FER: variants seen among roughly 807,000 people sequenced by gnomAD.
The protein encoded by FER is FER tyrosine kinase.
FER carries 63 observed loss-of-function variants against 111.0 expected under a neutral mutation model. The observed-to-expected ratio is 0.57, with a 90% CI of 0.46 to 0.70. FER has a LOEUF of 0.70. FER is among the 30% of genes least tolerant of loss of function. The pLI, the probability that FER is intolerant of heterozygous loss-of-function variation, is 0.00. For missense variants in FER, 914 were observed against 954.0 expected (o/e 0.96, Z 0.55); for synonymous variants, 327 against 313.9 (o/e 1.04, Z -0.44).
At chr5:108,846,664 G>C (rs1362277667) in intron 5 of FER, among the ~76,000 whole-genome samples, 2 of 151,894 alleles carry the variant, frequency 1.3e-5, no homozygotes, top group Non-Finnish European at 2.9e-5. Context: ...CCCACTGCGA[G>C]CTCTGCCTCC....
chr5:108,999,626 C>G (rs1764453227), intron 13 of FER, among the ~76,000 whole-genome samples: 2 of 151,782 alleles, frequency 1.3e-5, no homozygotes, highest in African/African-American at 4.8e-5. Flanking sequence ...TAAGGTGCTT[C>G]CCAATATGTT....
At chr5:109,035,576 C>A (rs564572471) in intron 13 of FER, among the ~76,000 whole-genome samples, 285 of 152,168 alleles carry the variant, frequency 1.9e-3, no homozygotes, top group Non-Finnish European at 3.4e-3. Context: ...TTGGCTATTA[C>A]AAATAGAGCT....
At chr5:109,040,858 G>C (rs1408179966) in intron 14 of FER, among the ~76,000 whole-genome samples, 2 of 152,106 alleles carry the variant, frequency 1.3e-5, no homozygotes, top group Non-Finnish European at 2.9e-5. Context: ...ATGCAATTTA[G>C]TTCACAATGG....
intron 17 of FER, among the ~76,000 whole-genome samples, chr5:109,180,449 C>A (rs893343585): frequency 6.6e-6 from 1 of 152,206 alleles, no homozygotes; most frequent in Admixed American, 6.5e-5. Flanking sequence ...ATAATGCCAA[C>A]TTTGCTTAGC....
At chr5:109,107,035 G>C (rs1749019059) in intron 17 of FER, among the ~76,000 whole-genome samples, 1 of 152,158 alleles carries the variant, frequency 6.6e-6, no homozygotes, top group African/African-American at 2.4e-5. Flanking sequence ...AAGTCCTTGA[G>C]AGTGAGAGGA....
intron 9 of FER, among the ~76,000 whole-genome samples, chr5:108,893,978 T>A (rs1748625799): frequency 1.3e-5 from 2 of 151,496 alleles, no homozygotes; most frequent in Admixed American, 6.6e-5. Context: ...GTTTTTTTTT[T>A]TTTTTTTCCC....
At chr5:109,165,647 CAT>C (rs1330296518) in intron 17 of FER, among the ~76,000 whole-genome samples, 6 of 148,678 alleles carry the variant, frequency 4.0e-5, no homozygotes, top group African/African-American at 5.0e-5. Context: ...TGTATACACA[CAT>C]ATATATCACA....
At chr5:109,016,130 A>G (rs1767083128) in intron 13 of FER, among the ~76,000 whole-genome samples, 1 of 152,052 alleles carries the variant, frequency 6.6e-6, no homozygotes, top group Admixed American at 6.6e-5. Flanking sequence ...GCACTTCTTC[A>G]GTAATCAGAG....
At chr5:108,777,918 C>T (rs1753670997) in intron 2 of FER, among the ~76,000 whole-genome samples, 2 of 152,174 alleles carry the variant, frequency 1.3e-5, no homozygotes, top group Non-Finnish European at 2.9e-5. Flanking sequence ...TCATCTCCCA[C>T]AGGGTCCCTC....
intron 13 of FER, among the ~76,000 whole-genome samples, chr5:108,981,461 G>A (rs575967840): frequency 2.2e-4 from 34 of 152,018 alleles, no homozygotes; most frequent in Middle Eastern, 6.8e-3. Context: ...GTTTATCAAG[G>A]TTCCTCTAAA....
Position 108,844,077 on chromosome 5 carries a change from C to G in FER, c.481+8270C>G, listed in dbSNP as rs1030138091. ...GTGTGAACATATATATGTGTGTGAA[C>G]ATATATGCGTGTGAACATATGTGTG... On this transcript the variant is annotated intron_variant, in intron 5 of 19. Transcript: ENST00000281092. Among the ~76,000 whole-genome samples, 10 of 131,278 alleles carry G rather than the reference C, an allele frequency of 7.6e-5. 1 individual carries two copies. Among genetic ancestry groups the G allele is most frequent in the Non-Finnish European group, 1.6e-4 (9 of 57,904 alleles). 86.1% of individuals were successfully genotyped at this position (131,278 alleles called of 152,430 possible).
At chr5:108,861,221 A>G (rs1038241070) in intron 5 of FER, among the ~76,000 whole-genome samples, 2 of 152,232 alleles carry the variant, frequency 1.3e-5, no homozygotes, top group Non-Finnish European at 2.9e-5. Flanking sequence ...ATTTATTATC[A>G]GCAGGTTTCT....
chr5:109,073,310 A>G (rs1005926920), intron 16 of FER, among the ~76,000 whole-genome samples: 3 of 152,190 alleles, frequency 2.0e-5, no homozygotes, highest in Non-Finnish European at 4.4e-5. Flanking sequence ...TACACTGTCC[A>G]ATCTCAGCTT....
At chr5:109,068,863 T>G (rs1775435258) in intron 16 of FER, among the ~76,000 whole-genome samples, 1 of 152,222 alleles carries the variant, frequency 6.6e-6, no homozygotes, top group Non-Finnish European at 1.5e-5. Flanking sequence ...TAGATGGAAT[T>G]TTCAGTTCAA....
intron 2 of FER, among the ~76,000 whole-genome samples, chr5:108,795,742 A>G (rs1255864181): frequency 6.6e-6 from 1 of 152,140 alleles, no homozygotes; most frequent in Non-Finnish European, 1.5e-5. Context: ...TGTTAAATTT[A>G]TCTAGATAGA....
At chr5:108,985,712 T>A (rs1387399284) in intron 13 of FER, among the ~76,000 whole-genome samples, 1 of 152,204 alleles carries the variant, frequency 6.6e-6, no homozygotes, top group Non-Finnish European at 1.5e-5. Context: ...CCTCTGTTAC[T>A]TCACTTAGAA....
intron 3 of FER, among the ~76,000 whole-genome samples, chr5:108,830,399 A>T (rs1011859632): frequency 6.6e-6 from 1 of 152,204 alleles, no homozygotes; most frequent in Non-Finnish European, 1.5e-5. Context: ...GGTTGTAGTG[A>T]GTGGAGATTG....
intron 16 of FER, chr5:109,051,396 T>A: frequency 6.2e-7 from 1 of 1,612,614 alleles, no homozygotes; most frequent in South Asian, 1.1e-5. Flanking sequence ...CAATGGCTAG[T>A]GGCTGTAGTT....
At chr5:109,136,035 AAC>A (rs1424716855) in intron 17 of FER, among the ~76,000 whole-genome samples, 2 of 151,882 alleles carry the variant, frequency 1.3e-5, no homozygotes, top group African/African-American at 2.4e-5. Flanking sequence ...GCAGTTGGTT[AAC>A]TTGAGGTCTG....
Sources: allele counts gnomAD v4.1 joint callset (sites outside exome capture counted in the v4.1 genomes callset), GRCh38; gene constraint gnomAD v4.1.1; transcripts MANE v1.5; gene names NCBI Gene and HGNC (gene_info 2026-07-23, HGNC 2026-07-21).